ABCC4: variants seen among roughly 807,000 people sequenced by gnomAD.
ABCC4 encodes ATP-binding cassette sub-family C member 4.
A neutral mutation model predicts 168.5 loss-of-function variants in ABCC4; 102 were observed. That is an observed-to-expected ratio of 0.61 (90% CI 0.52 to 0.71). The LOEUF (loss-of-function observed/expected upper bound fraction) is 0.71, where lower values mean the gene tolerates loss of function less well. Ranked by LOEUF, ABCC4 falls within the 30% of genes least tolerant of loss-of-function variation. The probability of loss-of-function intolerance (pLI) is 0.00; values close to 1 mark genes in which losing one functional copy is unlikely to be tolerated. For missense variants in ABCC4, 1,402 were observed against 1,605.8 expected (o/e 0.87, Z 2.17); for synonymous variants, 617 against 590.7 (o/e 1.04, Z -0.65).
intron 4 of ABCC4, among the ~76,000 whole-genome samples, chr13:95,222,344 C>T (rs1051955310): frequency 2.6e-5 from 4 of 152,218 alleles, no homozygotes; most frequent in African/African-American, 7.2e-5. Context: ...AGACACCAAG[C>T]ATTGCCTTGG....
intron 8 of ABCC4, among the ~76,000 whole-genome samples, chr13:95,201,248 C>T (rs1047450285): frequency 2.6e-5 from 4 of 152,104 alleles, no homozygotes; most frequent in Non-Finnish European, 4.4e-5. Context: ...GAATTTCAAG[C>T]CTTAGACACA....
At chr13:95,100,351 T>C (rs1197811441) in intron 20 of ABCC4, among the ~76,000 whole-genome samples, 1 of 152,184 alleles carries the variant, frequency 6.6e-6, no homozygotes, top group East Asian at 1.9e-4. Flanking sequence ...ATTGGAACAC[T>C]GGTTGCCAGC....
At chr13:95,069,466 A>G (rs759896787) in intron 25 of ABCC4, among the ~76,000 whole-genome samples, 7 of 152,228 alleles carry the variant, frequency 4.6e-5, no homozygotes, top group South Asian at 2.1e-4. Context: ...GTAAAGTAAC[A>G]TAAAATTGAT....
At chr13:95,170,436 G>A (rs2037426774) in intron 14 of ABCC4, 96 bp downstream of exon 14, 4 of 689,976 alleles carry the variant, frequency 5.8e-6, no homozygotes, top group Non-Finnish European at 9.6e-6. Context: ...ATGAATCCCA[G>A]CTCTGAGAAG....
intron 4 of ABCC4, among the ~76,000 whole-genome samples, chr13:95,222,688 G>A (rs1926656): frequency 0.75 from 114,677 of 152,126 alleles, 43,899 homozygotes; most frequent in Non-Finnish European, 0.84. Flanking sequence ...ACCAGAGTGC[G>A]GAAACCTCAT....
chr13:95,228,879 G>A (rs1483948851), intron 4 of ABCC4, among the ~76,000 whole-genome samples: 1 of 151,786 alleles, frequency 6.6e-6, no homozygotes, highest in Non-Finnish European at 1.5e-5. Flanking sequence ...GGGCAACATA[G>A]GGAGACCCTG....
At chr13:95,238,195 G>GAAAAA (rs10644641) in intron 3 of ABCC4, among the ~76,000 whole-genome samples, 69 of 65,040 alleles carry the variant, frequency 1.1e-3, no homozygotes, top group Middle Eastern at 8.9e-3. Context: ...CTCCATCTCA[G>GAAAAA]AAAAAAAAAA....
intron 1 of ABCC4, among the ~76,000 whole-genome samples, chr13:95,290,115 G>GACAGATAGATAC (rs2041357140): frequency 6.6e-6 from 1 of 150,712 alleles, no homozygotes; most frequent in Non-Finnish European, 1.5e-5. Context: ...TAGATAGATA[G>GACAGATAGATAC]ATAGATAGAT....
chr13:95,202,804 A>G (rs1389058850), intron 8 of ABCC4, among the ~76,000 whole-genome samples: 3 of 151,996 alleles, frequency 2.0e-5, no homozygotes, highest in Admixed American at 2.0e-4. Context: ...GCGTGCCACC[A>G]TGCCCAGCTG....
chr13:95,292,169 G>A (rs1388965070), intron 1 of ABCC4, among the ~76,000 whole-genome samples: 1 of 152,040 alleles, frequency 6.6e-6, no homozygotes, highest in East Asian at 1.9e-4. Context: ...ACCAGCCAGG[G>A]CAACATGGCA....
chr13:95,046,198 G>C (rs1033877308), intron 27 of ABCC4, among the ~76,000 whole-genome samples: 1 of 152,136 alleles, frequency 6.6e-6, no homozygotes, highest in Admixed American at 6.5e-5. Context: ...GTTTTTATTA[G>C]CTTTTCCTTC....
At chr13:95,114,087 T>G (rs751841545) in intron 20 of ABCC4, among the ~76,000 whole-genome samples, 4 of 152,212 alleles carry the variant, frequency 2.6e-5, no homozygotes, top group Non-Finnish European at 5.9e-5. Context: ...GATTTAACCT[T>G]CGCTGTAGAT....
chr13:95,272,870 A>G (rs997820133), intron 1 of ABCC4, among the ~76,000 whole-genome samples: 6 of 152,240 alleles, frequency 3.9e-5, no homozygotes, highest in African/African-American at 7.2e-5. Flanking sequence ...CCTGGGTGAC[A>G]GAGCGAGACT....
At chr13:95,238,356 G>A (rs1429685072) in intron 3 of ABCC4, among the ~76,000 whole-genome samples, 1 of 152,104 alleles carries the variant, frequency 6.6e-6, no homozygotes, top group Non-Finnish European at 1.5e-5. Context: ...AGTCCTGACT[G>A]CATGTTAGAA....
chr13:95,142,839 T>C (rs185977810), intron 19 of ABCC4, among the ~76,000 whole-genome samples: 3 of 152,320 alleles, frequency 2.0e-5, no homozygotes, highest in African/African-American at 7.2e-5. Flanking sequence ...TTCCAAATAC[T>C]GTTTGACTTC....
chr13:95,107,205 C>T lies in ABCC4; in HGVS notation c.2535+8717G>A, dbSNP rs141437502. 1.6e-3 allele frequency among the ~76,000 whole-genome samples: 243 copies of T among 152,122 alleles called. 1 individual carries two copies. Among genetic ancestry groups the T allele is most frequent in the African/African-American group, 5.0e-3 (209 of 41,498 alleles). On this transcript the variant is annotated intron_variant, in intron 20 of 30. Coordinates refer to ENST00000645237, the MANE Select transcript of ABCC4 (RefSeq NM_005845.5). ...CAGGGAGGCAGAAGCTACAGTGAGC[C>T]GAGATGGCACCATTGCACTCCAGCT...
chr13:95,060,790 C>T (rs867957382), intron 26 of ABCC4, among the ~76,000 whole-genome samples: 1 of 152,282 alleles, frequency 6.6e-6, no homozygotes, highest in Middle Eastern at 3.4e-3. Flanking sequence ...GTCAACATTT[C>T]AGTGGTCTTA....
intron 10 of ABCC4, among the ~76,000 whole-genome samples, chr13:95,188,232 C>T (rs1432564163): frequency 6.6e-6 from 1 of 152,140 alleles, no homozygotes; most frequent in African/African-American, 2.4e-5. Flanking sequence ...TAGGAGTTCC[C>T]AATTGCTCAA....
At chr13:95,276,580 AAGAGC>A (rs2040977568) in intron 1 of ABCC4, among the ~76,000 whole-genome samples, 1 of 151,892 alleles carries the variant, frequency 6.6e-6, no homozygotes, top group Non-Finnish European at 1.5e-5. Context: ...TGTGGAACCC[AAGAGC>A]AGAGAAGGCA....
Sources: allele counts gnomAD v4.1 joint callset (sites outside exome capture counted in the v4.1 genomes callset), GRCh38; gene constraint gnomAD v4.1.1; transcripts MANE v1.5; gene names NCBI Gene and HGNC (gene_info 2026-07-23, HGNC 2026-07-21).